BAIAP2: variants seen among roughly 807,000 people sequenced by gnomAD.
BAIAP2 encodes the protein BAR/IMD domain containing adaptor protein 2.
Under a neutral mutation model 63.0 loss-of-function variants are expected in BAIAP2, and 18 were observed. The observed-to-expected ratio is 0.29, with a 90% CI of 0.20 to 0.42. BAIAP2 has a LOEUF of 0.42. Ranked by LOEUF, BAIAP2 falls within the 10% of genes least tolerant of loss-of-function variation. BAIAP2 has a pLI of 1.00. For missense variants in BAIAP2, 610 were observed against 734.3 expected, an observed-to-expected ratio of 0.83 and a Z score of 1.96; for synonymous variants, 386 against 307.6, an observed-to-expected ratio of 1.25 and a Z score of -2.67.
chr17:81,110,806 T>C, intron 13 of BAIAP2: 2 of 1,438,972 alleles, frequency 1.4e-6, no homozygotes, highest in Non-Finnish European at 2.0e-6. Flanking sequence ...CTCCGAGTGC[T>C]CCAGGGTTCT....
At chr17:81,112,527 G>A (rs573139719) in intron 13 of BAIAP2, among the ~76,000 whole-genome samples, 2 of 152,352 alleles carry the variant, frequency 1.3e-5, no homozygotes, top group South Asian at 2.1e-4. Flanking sequence ...AGGGGCGAGC[G>A]TCCCTGGCCG....
intron 6 of BAIAP2, among the ~76,000 whole-genome samples, chr17:81,088,584 G>A (rs2056139855): frequency 6.6e-6 from 1 of 152,222 alleles, no homozygotes; most frequent in African/African-American, 2.4e-5. Flanking sequence ...TGGACATTCT[G>A]CGTAGCTGGA....
rs546067385 is a variant in BAIAP2, at chr17:81,084,849, A to G, written c.235A>G (p.Met79Val). ...CTTCCCAGGAGACGTTCTCTTCCAG[A>G]TGGCTGAAGTCCACAGGCAGATCCA... ...SKELGDVLFQ[M>V]AEVHRQIQNQ... Residue 79 changes from methionine (M) to valine (V), a missense_variant, in exon 4 of 14, where the codon ATG becomes GTG. Coordinates refer to ENST00000428708, the MANE Select transcript of BAIAP2 (RefSeq NM_001144888.2). 72 of 1,613,790 alleles carry G rather than the reference A, an allele frequency of 4.5e-5. No homozygotes were observed. The highest frequency in any genetic ancestry group is 5.9e-5 in the Non-Finnish European group (70 of 1,180,012).
chr17:81,054,376 TG>T (rs1340196977), intron 2 of BAIAP2, among the ~76,000 whole-genome samples: 1 of 152,180 alleles, frequency 6.6e-6, no homozygotes, highest in African/African-American at 2.4e-5. Context: ...CAGATGGACT[TG>T]GGCACAGCCT....
chr17:81,103,802 T>G (rs1598800191), intron 8 of BAIAP2, 79 bp downstream of exon 8: 1 of 1,580,468 alleles, frequency 6.3e-7, no homozygotes, highest in African/African-American at 1.3e-5. Flanking sequence ...GCCGCCAGGG[T>G]GCAGAGTCCA....
intron 2 of BAIAP2, among the ~76,000 whole-genome samples, chr17:81,056,683 A>G (rs1040863613): frequency 2.0e-5 from 3 of 151,980 alleles, no homozygotes; most frequent in Non-Finnish European, 2.9e-5. Context: ...GAGTGTGGAG[A>G]CTTGGAGCTT....
intron 13 of BAIAP2, chr17:81,109,267 C>CACCCTCGGCCCCAGGA: frequency 7.6e-7 from 1 of 1,314,018 alleles, no homozygotes; most frequent in Non-Finnish European, 9.7e-7. Flanking sequence ...ACCTGCTGGG[C>CACCCTCGGCCCCAGGA]CGTGCGGGGC....
intron 13 of BAIAP2, among the ~76,000 whole-genome samples, chr17:81,114,136 ATTTTTTTTTT>A (rs58461450): frequency 8.0e-6 from 1 of 124,664 alleles, no homozygotes; most frequent in Non-Finnish European, 1.6e-5. Flanking sequence ...CACCTGCCTA[ATTTTTTTTTT>A]TTTTTTTTTG....
intron 3 of BAIAP2, among the ~76,000 whole-genome samples, chr17:81,061,925 C>T (rs1246566178): frequency 2.0e-5 from 3 of 152,030 alleles, no homozygotes; most frequent in Non-Finnish European, 2.9e-5. Context: ...GTCTGGTGGG[C>T]CTTTCCTTTT....
chr17:81,093,707 C>T (rs557328298), intron 6 of BAIAP2, among the ~76,000 whole-genome samples: 4 of 152,208 alleles, frequency 2.6e-5, no homozygotes, highest in Admixed American at 6.5e-5. Flanking sequence ...TCTGGGTGTG[C>T]GAGGCCTATA....
intron 7 of BAIAP2, among the ~76,000 whole-genome samples, chr17:81,103,278 C>A (rs1226759469): frequency 6.6e-6 from 1 of 152,242 alleles, no homozygotes; most frequent in East Asian, 1.9e-4. Flanking sequence ...CCCTGGAGGT[C>A]CCCCGACTGC....
Position 81,054,768 on chromosome 17 carries a change from G to GC in BAIAP2, c.130+1030dup, listed in dbSNP as rs374916453. ...CTGTCTCCCTGAGACGCTTCCCATC[G>GC]CCCCCACCCCACCCAGGCACTCCAC... is the stretch of plus-strand genomic sequence containing the variant. On this transcript the variant is annotated intron_variant, in intron 2 of 13. Coordinates refer to ENST00000428708, the MANE Select transcript of BAIAP2 (RefSeq NM_001144888.2). 5.4e-3 allele frequency among the ~76,000 whole-genome samples: 816 copies of GC among 152,188 alleles called. 7 individuals carry two copies. Among genetic ancestry groups the GC allele is most frequent in the African/African-American group, 0.019 (786 of 41,506 alleles).
intron 3 of BAIAP2, among the ~76,000 whole-genome samples, chr17:81,074,539 G>A (rs536063080): frequency 6.6e-6 from 1 of 151,560 alleles, no homozygotes; most frequent in South Asian, 2.1e-4. Context: ...GTGTGTGCAC[G>A]TGCACAGATG....
intron 3 of BAIAP2, among the ~76,000 whole-genome samples, chr17:81,059,857 CA>C (rs1017428183): frequency 6.6e-6 from 1 of 151,454 alleles, no homozygotes; most frequent in Non-Finnish European, 1.5e-5. Flanking sequence ...TGGGGAACTC[CA>C]GGCTCTTGTG....
Position 81,104,014 on chromosome 17 carries a change from G to A in BAIAP2, c.972G>A (p.Leu324=), listed in dbSNP as rs1235923555. The change falls in exon 9 of 14, where the codon CTG becomes CTA. Residue 324 remains leucine, a synonymous_variant. Coordinates refer to ENST00000428708, the MANE Select transcript of BAIAP2 (RefSeq NM_001144888.2). Reference sequence around the variant, plus strand: ...GCAAGGCTGCCCAGCCCAAATCCCTGTCTCCTCCGCAGTCTCAGAGCAAGC... The same window carrying A: ...GCAAGGCTGCCCAGCCCAAATCCCTATCTCCTCCGCAGTCTCAGAGCAAGC... ...ADRKAAQPKS[L]SPPQSQSKLS... 1.9e-6 allele frequency: 3 copies of A among 1,613,220 alleles called. No individual in the cohort carries two copies. Among genetic ancestry groups the A allele is most frequent in the Non-Finnish European group, 2.5e-6 (3 of 1,180,024 alleles).
At chr17:81,068,812 C>T (rs1176732113) in intron 3 of BAIAP2, among the ~76,000 whole-genome samples, 1 of 152,162 alleles carries the variant, frequency 6.6e-6, no homozygotes, top group Non-Finnish European at 1.5e-5. Flanking sequence ...TATCTGGTTG[C>T]CAGTGTCTCT....
intron 6 of BAIAP2, among the ~76,000 whole-genome samples, chr17:81,089,349 C>T (rs1274582974): frequency 2.0e-5 from 3 of 152,240 alleles, no homozygotes; most frequent in Non-Finnish European, 2.9e-5. Context: ...ACCTGATTCG[C>T]AGCCACAGGG....
intron 3 of BAIAP2, chr17:81,083,719 C>G (rs940266293): frequency 6.6e-6 from 1 of 152,278 alleles, no homozygotes; most frequent in Non-Finnish European, 1.5e-5. Context: ...AGCCAGCCCC[C>G]TGGGCTGATG....
At chr17:81,071,553 A>T (rs1771934192) in intron 3 of BAIAP2, among the ~76,000 whole-genome samples, 1 of 152,208 alleles carries the variant, frequency 6.6e-6, no homozygotes. Context: ...CAGCAGAGAA[A>T]GGAGAAGAGT....
Sources: gnomAD v4.1 joint callset for allele counts (sites outside exome capture counted in the v4.1 genomes callset) on GRCh38, gnomAD v4.1.1 for gene constraint, MANE v1.5 for transcripts, NCBI Gene and HGNC (gene_info 2026-07-23, HGNC 2026-07-21) for gene names.